The following FHOD3 variants were observed in gnomAD, a reference collection of about 807,000 sequenced individuals.
FHOD3 encodes formin homology 2 domain containing 3, also known as FH1/FH2 domain-containing protein 3.
A neutral mutation model predicts 173.0 loss-of-function variants in FHOD3; 90 were observed. The observed-to-expected ratio is 0.52, with a 90% CI of 0.44 to 0.62. The LOEUF (loss-of-function observed/expected upper bound fraction) is 0.62, where lower values mean the gene tolerates loss of function less well. Among genes scored for constraint, FHOD3 ranks in the 20% least tolerant of loss-of-function variants. The probability of loss-of-function intolerance (pLI) is 0.00; values close to 1 mark genes in which losing one functional copy is unlikely to be tolerated. For missense variants in FHOD3, 1,945 were observed against 2,034.7 expected, an observed-to-expected ratio of 0.96 and a Z score of 0.85; for synonymous variants, 828 against 823.0, an observed-to-expected ratio of 1.01 and a Z score of -0.10.
intron 27 of FHOD3, 67 bp from the exon 28 acceptor site, chr18:36,769,198 A>C: frequency 6.4e-7 from 1 of 1,553,346 alleles, no homozygotes; most frequent in South Asian, 1.2e-5. Context: ...TTGGAGGAAT[A>C]CTGCTGCATA....
intron 5 of FHOD3, among the ~76,000 whole-genome samples, chr18:36,545,580 CT>C (rs1431934959): frequency 6.6e-6 from 1 of 152,158 alleles, no homozygotes; most frequent in East Asian, 1.9e-4. Context: ...TATCATGAAA[CT>C]TTTTAAGTTC....
At chr18:36,480,008 A>G (rs2053793397) in intron 3 of FHOD3, among the ~76,000 whole-genome samples, 1 of 152,246 alleles carries the variant, frequency 6.6e-6, no homozygotes, top group South Asian at 2.1e-4. Context: ...TAAAACAATT[A>G]CAGCCAGCCA....
At chr18:36,596,446 G>A (rs1349182724) in intron 7 of FHOD3, among the ~76,000 whole-genome samples, 4 of 148,498 alleles carry the variant, frequency 2.7e-5, no homozygotes, top group Non-Finnish European at 4.4e-5. Context: ...GCCTCCCAAA[G>A]TGCTGGGATT....
In FHOD3 at chr18:36,744,148, C is replaced by T. The variant is rs1343643977; in HGVS notation, c.3996C>T (p.Ser1332=). Residue 1332 remains serine, a synonymous_variant, in exon 23 of 29, where the codon AGC becomes AGT. Coordinates refer to ENST00000590592, the MANE Select transcript of FHOD3 (RefSeq NM_001281740.3). ...CTMVVENFPD[S]SDLYSEIGAI... ...TGGTGGTAGAAAACTTCCCAGACAG[C>T]TCCGATCTGTACTCGGAGATCGGGG... 2.5e-6 allele frequency: 4 copies of T among 1,614,064 alleles called. No homozygotes were observed. Among genetic ancestry groups the T allele is most frequent in the Admixed American group, 3.3e-5 (2 of 60,002 alleles).
chr18:36,665,559 A>G (rs776566061), intron 14 of FHOD3, among the ~76,000 whole-genome samples: 3 of 149,094 alleles, frequency 2.0e-5, no homozygotes, highest in Non-Finnish European at 3.0e-5. Flanking sequence ...GCAAATTGCT[A>G]TTTGCTCTGA....
intron 3 of FHOD3, among the ~76,000 whole-genome samples, chr18:36,487,021 A>G (rs939528910): frequency 2.0e-5 from 3 of 152,234 alleles, no homozygotes; most frequent in Admixed American, 2.0e-4. Flanking sequence ...ATAATGTACC[A>G]CAGTTTATCT....
At chr18:36,717,709 T>C in intron 18 of FHOD3, 123 bp from the exon 19 acceptor site, 1 of 1,423,306 alleles carries the variant, frequency 7.0e-7, no homozygotes, top group Non-Finnish European at 9.2e-7. Context: ...CGGCTTTGAC[T>C]GCTCATGCAG....
intron 6 of FHOD3, among the ~76,000 whole-genome samples, chr18:36,591,734 A>G (rs1485799448): frequency 1.4e-5 from 2 of 143,998 alleles, no homozygotes; most frequent in Admixed American, 7.1e-5. Flanking sequence ...TCTGGGCAAC[A>G]TAGAGAGACA....
intron 9 of FHOD3, among the ~76,000 whole-genome samples, chr18:36,615,809 G>A (rs2033143037): frequency 6.6e-6 from 1 of 152,198 alleles, no homozygotes; most frequent in Non-Finnish European, 1.5e-5. Context: ...AATGGAGAGA[G>A]TGATGTATAA....
rs563370900 is a variant in FHOD3, at chr18:36,523,131, G to T, written c.511+10588G>T. The stretch of plus-strand genomic sequence containing the variant: ...CCATCAGTGCTGTCTGGGCCCCAGC[G>T]TTCCTTGAAACAACTGCTGGGGCTG... On this transcript the variant is annotated intron_variant, in intron 5 of 28. Transcript: ENST00000590592. 8.0e-5 allele frequency among the ~76,000 whole-genome samples: 9 copies of T among 112,854 alleles called. No homozygotes were observed. In the South Asian group the frequency reaches 2.9e-3, roughly 37 times the overall value. The allele number at this position is 112,854 out of a possible 152,430, so 74.0% of individuals were successfully genotyped here.
chr18:36,759,239 C>A, intron 26 of FHOD3, 98 bp downstream of exon 26: 2 of 1,310,000 alleles, frequency 1.5e-6, no homozygotes, highest in Non-Finnish European at 2.1e-6. Context: ...CAGCACCATT[C>A]AGTGCTTTAA....
intron 3 of FHOD3, among the ~76,000 whole-genome samples, chr18:36,474,956 G>A (rs1471667735): frequency 6.9e-6 from 1 of 145,434 alleles, no homozygotes; most frequent in Non-Finnish European, 1.5e-5. Context: ...TAGTTTTCAG[G>A]GTCTTTTGAA....
chr18:36,429,318 C>T (rs1180125919), intron 3 of FHOD3, among the ~76,000 whole-genome samples: 1 of 152,148 alleles, frequency 6.6e-6, no homozygotes, highest in African/African-American at 2.4e-5. Context: ...AATTCATAAA[C>T]TTCAGTAGGA....
chr18:36,483,805 A>T (rs560022541), intron 3 of FHOD3, among the ~76,000 whole-genome samples: 14 of 152,298 alleles, frequency 9.2e-5, no homozygotes, highest in African/African-American at 3.1e-4. Flanking sequence ...AGCCCTCTGG[A>T]GCAGATGTCG....
At chr18:36,618,261 A>C (rs1443082680) in intron 9 of FHOD3, among the ~76,000 whole-genome samples, 1 of 138,448 alleles carries the variant, frequency 7.2e-6, no homozygotes, top group African/African-American at 2.7e-5. Context: ...TCTTTTAACC[A>C]TCATTGCATT....
chr18:36,688,560 T>A (rs2038773251), intron 16 of FHOD3, among the ~76,000 whole-genome samples: 3 of 152,238 alleles, frequency 2.0e-5, no homozygotes, highest in Admixed American at 2.0e-4. Flanking sequence ...AAGCTTATAT[T>A]TCTCACTAGT....
chr18:36,745,945 C>A (rs1163899423), intron 23 of FHOD3, among the ~76,000 whole-genome samples: 4 of 151,908 alleles, frequency 2.6e-5, no homozygotes, highest in Non-Finnish European at 5.9e-5. Context: ...ACTTTCCATC[C>A]ACCTCAGTCC....
At chr18:36,591,422 G>A (rs544779842) in intron 6 of FHOD3, among the ~76,000 whole-genome samples, 3 of 152,148 alleles carry the variant, frequency 2.0e-5, no homozygotes, top group Non-Finnish European at 4.4e-5. Flanking sequence ...GGGAGGCTGG[G>A]GGCTGGGAGG....
intron 3 of FHOD3, among the ~76,000 whole-genome samples, chr18:36,442,888 T>G (rs150366204): frequency 1.3e-5 from 2 of 152,350 alleles, no homozygotes; most frequent in Non-Finnish European, 2.9e-5. Context: ...AGTCTCTGGT[T>G]TGTGGCAGTT....
Sources: gnomAD v4.1 joint callset for allele counts (sites outside exome capture counted in the v4.1 genomes callset) on GRCh38, gnomAD v4.1.1 for gene constraint, MANE v1.5 for transcripts, NCBI Gene and HGNC (gene_info 2026-07-23, HGNC 2026-07-21) for gene names.